GRID2: variants seen among roughly 807,000 people sequenced by gnomAD.
GRID2 encodes the protein glutamate ionotropic receptor delta type subunit 2.
Under a neutral mutation model 114.8 loss-of-function variants are expected in GRID2, and 33 were observed. That is an observed-to-expected ratio of 0.29 (90% confidence interval 0.22 to 0.38). The LOEUF (loss-of-function observed/expected upper bound fraction) is 0.38. GRID2 is among the 10% of genes least tolerant of loss of function. The pLI is 1.00. For missense variants in GRID2, 1,184 were observed against 1,257.7 expected (o/e 0.94, Z 0.89); for synonymous variants, 505 against 449.9 (o/e 1.12, Z -1.55).
intron 2 of GRID2, among the ~76,000 whole-genome samples, chr4:93,068,046 G>A (rs1462713575): frequency 6.6e-6 from 1 of 151,596 alleles, no homozygotes; most frequent in East Asian, 1.9e-4. Flanking sequence ...TATTCATTTG[G>A]GCATATCCTT....
At chr4:92,468,611 G>A (rs1721871965) in intron 1 of GRID2, among the ~76,000 whole-genome samples, 1 of 151,980 alleles carries the variant, frequency 6.6e-6, no homozygotes, top group Admixed American at 6.6e-5. Flanking sequence ...GAGGGAGAAA[G>A]CCATGTAAAC....
chr4:92,965,450 TAAAAAAAAA>T (rs869285420), intron 2 of GRID2, among the ~76,000 whole-genome samples: 130 of 85,690 alleles, frequency 1.5e-3, no homozygotes, highest in Middle Eastern at 5.1e-3. Context: ...ATTCAATTTG[TAAAAAAAAA>T]AAAAAAAAAA....
intron 8 of GRID2, among the ~76,000 whole-genome samples, chr4:93,247,277 T>C (rs558146122): frequency 1.1e-4 from 16 of 152,294 alleles, no homozygotes; most frequent in African/African-American, 3.9e-4. Context: ...GGTCCCAAGA[T>C]AGCTGGTAAA....
At chr4:93,806,977 A>G (rs1735045302) in exon 2 of GRID2, 1 of 152,240 alleles carries the variant, frequency 6.6e-6, no homozygotes, top group African/African-American at 2.4e-5. Flanking sequence ...TATCTCCTAA[A>G]TTAAAAACTC....
intron 2 of GRID2, among the ~76,000 whole-genome samples, chr4:93,026,974 G>A (rs889728648): frequency 6.6e-6 from 1 of 152,044 alleles, no homozygotes; most frequent in Admixed American, 6.6e-5. Context: ...GTACAGATGC[G>A]AAGCATAGAT....
At chr4:92,539,261 T>A (rs2149160716) in intron 1 of GRID2, among the ~76,000 whole-genome samples, 1 of 152,258 alleles carries the variant, frequency 6.6e-6, no homozygotes, top group South Asian at 2.1e-4. Context: ...GACTTGAAAC[T>A]AATGAGTGTT....
rs148285873 is a variant in GRID2, at chr4:93,079,792, G to A, written c.245-5203G>A. On this transcript the variant is annotated intron_variant, in intron 2 of 15. Coordinates refer to ENST00000282020, the MANE Select transcript of GRID2 (RefSeq NM_001510.4). The stretch of plus-strand genomic sequence containing the variant: ...TCACTAATTATAATTAAAGGTTCAC[G>A]TTGGCTTTAGATGAGTGAAAAAATA... Among the ~76,000 whole-genome samples, 1,204 of 152,134 alleles carry A rather than the reference G, an allele frequency of 7.9e-3. 15 individuals carry two copies. Among genetic ancestry groups the A allele is most frequent in the African/African-American group, 0.027 (1,141 of 41,520 alleles).
At chr4:92,424,910 A>G (rs1407067740) in intron 1 of GRID2, among the ~76,000 whole-genome samples, 2 of 152,008 alleles carry the variant, frequency 1.3e-5, no homozygotes, top group African/African-American at 2.4e-5. Flanking sequence ...AGTATTTACT[A>G]GGATAAAATA....
At chr4:92,865,266 C>G (rs1744781597) in intron 2 of GRID2, among the ~76,000 whole-genome samples, 1 of 152,068 alleles carries the variant, frequency 6.6e-6, no homozygotes, top group Non-Finnish European at 1.5e-5. Context: ...TGAAAGAAAC[C>G]CTGTTATAAA....
chr4:92,961,294 C>G (rs900540469), intron 2 of GRID2, among the ~76,000 whole-genome samples: 7 of 151,090 alleles, frequency 4.6e-5, no homozygotes, highest in African/African-American at 1.2e-4. Flanking sequence ...ATACAAGTTT[C>G]TGATCTATTT....
At chr4:93,057,301 T>A (rs777351497) in intron 2 of GRID2, among the ~76,000 whole-genome samples, 1 of 151,962 alleles carries the variant, frequency 6.6e-6, no homozygotes, top group South Asian at 2.1e-4. Flanking sequence ...TCAGTGTCCC[T>A]GTTTCAGTTA....
chr4:92,815,276 A>AG (rs1740839336), intron 2 of GRID2, among the ~76,000 whole-genome samples: 1 of 152,134 alleles, frequency 6.6e-6, no homozygotes, highest in East Asian at 1.9e-4. Flanking sequence ...AGTGCACATT[A>AG]TTGTGCTTAG....
chr4:93,709,443 A>G (rs1480985608), intron 14 of GRID2, among the ~76,000 whole-genome samples: 5 of 152,012 alleles, frequency 3.3e-5, no homozygotes, highest in Admixed American at 2.0e-4. Flanking sequence ...CCACTGTGAA[A>G]CCAGATGTAT....
intron 2 of GRID2, among the ~76,000 whole-genome samples, chr4:92,859,775 A>G (rs1324494431): frequency 2.6e-5 from 4 of 152,162 alleles, no homozygotes; most frequent in East Asian, 3.9e-4. Flanking sequence ...CTGATCCACA[A>G]CTGAAATTTC....
At chr4:93,459,025 C>A (rs146721662) in intron 11 of GRID2, among the ~76,000 whole-genome samples, 2,093 of 151,330 alleles carry the variant, frequency 0.014, 17 homozygotes, top group South Asian at 0.054. Context: ...GCTAAAAATA[C>A]AAAAAAATGC....
At chr4:92,811,858 C>T (rs918999820) in intron 2 of GRID2, among the ~76,000 whole-genome samples, 4 of 151,994 alleles carry the variant, frequency 2.6e-5, no homozygotes, top group South Asian at 2.1e-4. Context: ...AATTCAAAAT[C>T]GTGACGTACT....
intron 2 of GRID2, among the ~76,000 whole-genome samples, chr4:92,737,120 C>A (rs1736635772): frequency 6.6e-6 from 1 of 152,032 alleles, no homozygotes. Context: ...ATGATAAATG[C>A]AGCTTCCACG....
chr4:92,674,756 C>T (rs755160670), intron 2 of GRID2, among the ~76,000 whole-genome samples: 3 of 152,170 alleles, frequency 2.0e-5, no homozygotes, highest in East Asian at 1.9e-4. Flanking sequence ...CTCTTGACCT[C>T]GTGATCCACC....
chr4:93,727,654 C>T (rs1053741739), intron 14 of GRID2, among the ~76,000 whole-genome samples: 1 of 152,126 alleles, frequency 6.6e-6, no homozygotes, highest in Admixed American at 6.6e-5. Flanking sequence ...ATTATTGCCT[C>T]GATTTCAGAT....
Sources: gnomAD v4.1 joint callset for allele counts (sites outside exome capture counted in the v4.1 genomes callset) on GRCh38, gnomAD v4.1.1 for gene constraint, MANE v1.5 for transcripts, NCBI Gene and HGNC (gene_info 2026-07-23, HGNC 2026-07-21) for gene names.